The following METTL15 variants were observed in gnomAD, a reference collection of about 807,000 sequenced individuals.
METTL15 encodes methyltransferase 15, mitochondrial 12S rRNA N4-cytidine, also known as 12S rRNA N(4)-cytidine methyltransferase METTL15.
METTL15 carries 34 observed loss-of-function variants against 38.3 expected under a neutral mutation model. The ratio of observed to expected loss-of-function variants is 0.89; its 90% confidence interval spans 0.68 to 1.18. METTL15 has a LOEUF of 1.18. Among genes scored for constraint, METTL15 ranks in the 50% most tolerant of loss-of-function variants. METTL15 has a pLI of 0.00. For missense variants in METTL15, 438 were observed against 498.4 expected (o/e 0.88, Z 1.15); for synonymous variants, 162 against 170.9 (o/e 0.95, Z 0.41).
intron 4 of METTL15, among the ~76,000 whole-genome samples, chr11:28,262,360 A>T (rs756609923): frequency 6.6e-6 from 1 of 150,968 alleles, no homozygotes; most frequent in Non-Finnish European, 1.5e-5. Context: ...ATATAACTAC[A>T]GAGATATATA....
At chr11:28,211,291 C>T in intron 4 of METTL15, 93 bp downstream of exon 4, 1 of 1,097,028 alleles carries the variant, frequency 9.1e-7, no homozygotes, top group Non-Finnish European at 1.3e-6. Context: ...TTTGCATGGG[C>T]TATATTTTAC....
chr11:28,129,540 G>A (rs530795526), intron 3 of METTL15, among the ~76,000 whole-genome samples: 1 of 152,002 alleles, frequency 6.6e-6, no homozygotes, highest in East Asian at 1.9e-4. Context: ...CTCCTGAGTA[G>A]CTGGGACTAC....
chr11:28,157,382 G>A (rs779088563), intron 3 of METTL15, among the ~76,000 whole-genome samples: 1 of 152,200 alleles, frequency 6.6e-6, no homozygotes, highest in Non-Finnish European at 1.5e-5. Flanking sequence ...TGACCCAGCA[G>A]ATCCAGTGGT....
At chr11:28,437,526 C>T (rs1850994124) in intron 6 of METTL15, among the ~76,000 whole-genome samples, 1 of 152,178 alleles carries the variant, frequency 6.6e-6, no homozygotes, top group Admixed American at 6.5e-5. Context: ...CAGCACTCGT[C>T]TTGTTACACT....
At position 28,290,317 on chromosome 11, in the gene METTL15, C is replaced by T. The variant is rs763923808; in HGVS notation, c.519C>T (p.Ser173=). ...FDGVLMDLGC[S]SMQLDTPERG... ...GAGTTCTTATGGATCTTGGGTGTTC[C>T]TCCATGCAACTTGATACTCCTGAAA... The change falls in exon 5 of 7, where the codon TCC becomes TCT. Residue 173 remains serine, a synonymous_variant. Coordinates refer to ENST00000407364, the MANE Select transcript of METTL15 (RefSeq NM_001113528.2). 2.5e-6 allele frequency: 4 copies of T among 1,613,480 alleles called. No individual in the cohort carries two copies. Among genetic ancestry groups the T allele is most frequent in the Non-Finnish European group, 3.4e-6 (4 of 1,179,634 alleles).
chr11:28,409,456 T>G (rs1335252456), intron 5 of METTL15, among the ~76,000 whole-genome samples: 2 of 148,328 alleles, frequency 1.3e-5, no homozygotes, highest in Non-Finnish European at 3.0e-5. Flanking sequence ...TGTTATGAAC[T>G]AGAAATTAAT....
intron 3 of METTL15, among the ~76,000 whole-genome samples, chr11:28,349,383 G>A (rs913229485): frequency 2.0e-5 from 3 of 152,084 alleles, no homozygotes; most frequent in Non-Finnish European, 4.4e-5. Flanking sequence ...TACCTTTTCC[G>A]GCCTCACACA....
Position 28,331,541 on chromosome 11 carries a change from C to G in METTL15, c.*700C>G, listed in dbSNP as rs1157536084. 1.3e-5 allele frequency: 2 copies of G among 151,828 alleles called. No homozygotes were observed. The highest frequency in any genetic ancestry group is 4.8e-5 in the African/African-American group (2 of 41,384). The allele number at this position is 151,828 out of a possible 1,614,324, so 9.4% of individuals were successfully genotyped here. On this transcript the variant is annotated 3_prime_UTR_variant, in exon 7 of 7. Coordinates refer to ENST00000407364, the MANE Select transcript of METTL15 (RefSeq NM_001113528.2). ...AATTGTATTTATTTTAATAATAGCT[C>G]ACAATGCCTTTAGTAAGTAATAAAG...
intron 4 of METTL15, chr11:28,352,244 G>C (rs1393687729): frequency 6.6e-6 from 1 of 152,130 alleles, no homozygotes; most frequent in Non-Finnish European, 1.5e-5. Flanking sequence ...CCACCAACAT[G>C]GCTGTGTCAC....
intron 3 of METTL15, among the ~76,000 whole-genome samples, chr11:28,346,857 G>C (rs970891581): frequency 6.6e-6 from 1 of 152,094 alleles, no homozygotes; most frequent in Non-Finnish European, 1.5e-5. Flanking sequence ...TATTATTGAG[G>C]TTAGCCTCCA....
chr11:28,504,815 A>T (rs1344142738), intron 6 of METTL15, among the ~76,000 whole-genome samples: 2 of 152,236 alleles, frequency 1.3e-5, no homozygotes, highest in Non-Finnish European at 2.9e-5. Context: ...TTAAACAGCC[A>T]CAGAGCAATT....
At chr11:28,419,648 G>T (rs1233158963) in intron 5 of METTL15, among the ~76,000 whole-genome samples, 1 of 152,204 alleles carries the variant, frequency 6.6e-6, no homozygotes, top group Non-Finnish European at 1.5e-5. Context: ...AGGAAAACAT[G>T]ACCTTACCAA....
chr11:28,110,692 T>G (rs1215914185), intron 2 of METTL15, among the ~76,000 whole-genome samples: 1 of 152,192 alleles, frequency 6.6e-6, no homozygotes, highest in Non-Finnish European at 1.5e-5. Flanking sequence ...CCTTAAAAAT[T>G]ACATTTTCAA....
intron 6 of METTL15, among the ~76,000 whole-genome samples, chr11:28,488,134 T>C (rs1218159112): frequency 6.6e-6 from 1 of 152,164 alleles, no homozygotes; most frequent in South Asian, 2.1e-4. Flanking sequence ...ATTTAACTCA[T>C]ATTTTTGAAA....
At chr11:28,119,922 G>T (rs1161201456) in intron 3 of METTL15, among the ~76,000 whole-genome samples, 1 of 152,108 alleles carries the variant, frequency 6.6e-6, no homozygotes, top group Non-Finnish European at 1.5e-5. Context: ...TAAGGAATAG[G>T]ACCAATGGCA....
chr11:28,421,438 C>A (rs2133421457), intron 5 of METTL15, among the ~76,000 whole-genome samples: 2 of 152,006 alleles, frequency 1.3e-5, no homozygotes, highest in East Asian at 3.9e-4. Context: ...ATCTCTGATG[C>A]ATATTAATAC....
intron 6 of METTL15, among the ~76,000 whole-genome samples, chr11:28,480,119 A>C (rs1851383065): frequency 6.6e-6 from 1 of 152,250 alleles, no homozygotes; most frequent in Admixed American, 6.5e-5. Context: ...AGAATACTGG[A>C]AGATTATTTC....
intron 3 of METTL15, chr11:28,145,647 C>T (rs1195467417): frequency 6.6e-6 from 1 of 151,974 alleles, no homozygotes; most frequent in African/African-American, 2.4e-5. Flanking sequence ...CCCATTCTCC[C>T]AACCCAATGG....
At chr11:28,393,323 T>C (rs1245749123) in intron 5 of METTL15, among the ~76,000 whole-genome samples, 3 of 152,108 alleles carry the variant, frequency 2.0e-5, no homozygotes, top group Non-Finnish European at 4.4e-5. Context: ...GGTATATACA[T>C]ACAATGAAAT....
Sources: allele counts gnomAD v4.1 joint callset (sites outside exome capture counted in the v4.1 genomes callset), GRCh38; gene constraint gnomAD v4.1.1; transcripts MANE v1.5; gene names NCBI Gene and HGNC (gene_info 2026-07-23, HGNC 2026-07-21).